Variants in ATXN7L1 observed in about 807,000 individuals in gnomAD.
The protein encoded by ATXN7L1 is ataxin-7-like protein 1.
A neutral mutation model predicts 70.8 loss-of-function variants in ATXN7L1; 15 were observed. The observed-to-expected ratio is 0.21, with a 90% confidence interval of 0.14 to 0.33. ATXN7L1 has a LOEUF of 0.33. ATXN7L1 is among the 10% of genes least tolerant of loss of function. The pLI is 1.00. For missense variants in ATXN7L1, 975 were observed against 1,097.1 expected (o/e 0.89, Z 1.57); for synonymous variants, 440 against 445.1 (o/e 0.99, Z 0.14).
chr7:105,863,741 A>G (rs2116660620), intron 2 of ATXN7L1, among the ~76,000 whole-genome samples: 1 of 152,312 alleles, frequency 6.6e-6, no homozygotes, highest in Non-Finnish European at 1.5e-5. Flanking sequence ...AATAGGGTTG[A>G]TAACAGGATT....
At chr7:105,873,982 G>A (rs893947721) in intron 2 of ATXN7L1, among the ~76,000 whole-genome samples, 1 of 152,022 alleles carries the variant, frequency 6.6e-6, no homozygotes, top group African/African-American at 2.4e-5. Context: ...AAAATTAACT[G>A]GGTGTGGTGG....
intron 2 of ATXN7L1, among the ~76,000 whole-genome samples, chr7:105,825,568 G>A (rs1810751558): frequency 6.6e-6 from 1 of 151,480 alleles, no homozygotes; most frequent in Admixed American, 6.6e-5. Flanking sequence ...AGAGGAAGTG[G>A]AATTGCCAAT....
intron 3 of ATXN7L1, among the ~76,000 whole-genome samples, chr7:105,786,351 G>C (rs986527390): frequency 6.6e-6 from 1 of 152,166 alleles, no homozygotes; most frequent in African/African-American, 2.4e-5. Flanking sequence ...AGGTGTATCA[G>C]CTCTGCTAAA....
chr7:105,608,620 A>G (rs1584269051), intron 11 of ATXN7L1, among the ~76,000 whole-genome samples: 2 of 152,246 alleles, frequency 1.3e-5, no homozygotes, highest in Admixed American at 1.3e-4. Context: ...GGCCCCATCA[A>G]CAGAGGCTGA....
chr7:105,652,228 G>C (rs1463149463), intron 4 of ATXN7L1, among the ~76,000 whole-genome samples: 1 of 152,170 alleles, frequency 6.6e-6, no homozygotes, highest in Non-Finnish European at 1.5e-5. Flanking sequence ...CTTGGGCAGG[G>C]AGTCCAGGAG....
chr7:105,842,733 C>A (rs1241010512), intron 2 of ATXN7L1, among the ~76,000 whole-genome samples: 2 of 152,154 alleles, frequency 1.3e-5, no homozygotes, highest in African/African-American at 4.8e-5. Context: ...TGGATCATAC[C>A]ATAACTGTAT....
chr7:105,694,664 T>C (rs1791477033), intron 3 of ATXN7L1, among the ~76,000 whole-genome samples: 1 of 152,196 alleles, frequency 6.6e-6, no homozygotes, highest in African/African-American at 2.4e-5. Flanking sequence ...AGGGGCAGAC[T>C]TTATTATTCC....
chr7:105,613,746 A>C, intron 10 of ATXN7L1, 116 bp downstream of exon 10: 1 of 1,525,538 alleles, frequency 6.6e-7, no homozygotes, highest in Non-Finnish European at 8.8e-7. Flanking sequence ...TTCGGGGAAA[A>C]CGAGAACAGG....
chr7:105,714,279 T>C (rs1301658001), intron 3 of ATXN7L1, among the ~76,000 whole-genome samples: 1 of 152,250 alleles, frequency 6.6e-6, no homozygotes, highest in Non-Finnish European at 1.5e-5. Context: ...TTATTCCAGA[T>C]GGAGCCCACA....
intron 2 of ATXN7L1, among the ~76,000 whole-genome samples, chr7:105,792,183 G>A (rs191196830): frequency 6.6e-5 from 10 of 152,316 alleles, no homozygotes; most frequent in Admixed American, 4.6e-4. Context: ...CCACCTGGAG[G>A]TGTGTTCCCC....
chr7:105,723,349 T>C (rs1461331634), intron 3 of ATXN7L1, among the ~76,000 whole-genome samples: 1 of 152,196 alleles, frequency 6.6e-6, no homozygotes, highest in African/African-American at 2.4e-5. Flanking sequence ...TGAATACATA[T>C]CAAGCGCTCA....
At chr7:105,857,133 C>T (rs556863998) in intron 2 of ATXN7L1, among the ~76,000 whole-genome samples, 1 of 152,282 alleles carries the variant, frequency 6.6e-6, no homozygotes, top group African/African-American at 2.4e-5. Context: ...TGTCCAAATC[C>T]TAGCTGCTGT....
At chr7:105,740,871 TCTC>T in intron 3 of ATXN7L1, among the ~76,000 whole-genome samples, 1 of 150,358 alleles carries the variant, frequency 6.7e-6, no homozygotes, top group South Asian at 2.1e-4. Flanking sequence ...TTCAAGCCAT[TCTC>T]CTGCCTCAGC....
chr7:105,785,665 C>T (rs1450197025), intron 3 of ATXN7L1, among the ~76,000 whole-genome samples: 2 of 152,174 alleles, frequency 1.3e-5, no homozygotes, highest in Admixed American at 6.5e-5. Context: ...GAAATCCTAC[C>T]CGCAATGTGA....
At chr7:105,646,416 G>A (rs1799033373) in intron 4 of ATXN7L1, among the ~76,000 whole-genome samples, 1 of 151,994 alleles carries the variant, frequency 6.6e-6, no homozygotes, top group Non-Finnish European at 1.5e-5. Context: ...GAGGCCAGGT[G>A]TTTTTTTGTT....
rs554421231 is a variant in ATXN7L1 at position 105,617,935 on chromosome 7, G to A, written c.1517+2265C>T. 157 of 456,572 alleles carry A rather than the reference G, an allele frequency of 3.4e-4. 1 individual carries two copies. The highest frequency in any genetic ancestry group is 2.3e-3 in the South Asian group (148 of 64,558). The allele number at this position is 456,572 out of a possible 1,614,324, so 28.3% of individuals were successfully genotyped here. ...CCATCCCTCCAGGTTCGGGCCCGCC[G>A]GGGCCTGGGGTTTGGGCAGCGAGGT... On this transcript the variant is annotated intron_variant, in intron 9 of 11. Transcript: ENST00000419735.
chr7:105,751,844 G>T (rs560827003), intron 3 of ATXN7L1, among the ~76,000 whole-genome samples: 27 of 152,302 alleles, frequency 1.8e-4, no homozygotes, highest in African/African-American at 6.3e-4. Context: ...ACAGGGAGCC[G>T]TCAGCTCTGC....
intron 2 of ATXN7L1, among the ~76,000 whole-genome samples, chr7:105,852,124 T>C (rs1001246025): frequency 7.9e-5 from 12 of 152,186 alleles, no homozygotes; most frequent in Non-Finnish European, 1.2e-4. Context: ...ATGTCGTCCA[T>C]ACCCTGTTCC....
At position 105,760,080 on chromosome 7, in the gene ATXN7L1, A is replaced by T. The variant is rs974068141; in HGVS notation, c.355+28524T>A. The T allele has an allele frequency of 5.5e-6, 3 of 547,626 alleles. No homozygotes were observed. In the African/African-American group the frequency reaches 6.2e-5, roughly 11 times the overall value. The allele number at this position is 547,626 out of a possible 1,614,324, so 33.9% of individuals were successfully genotyped here. On this transcript the variant is annotated intron_variant, in intron 3 of 11. Coordinates refer to ENST00000419735, the MANE Select transcript of ATXN7L1 (RefSeq NM_020725.2). ...AACAAGCCTCCTCCTACTTCTGGGA[A>T]GTCTCTCCTTTTTCTGGCTTCCATC...
Sources: gnomAD v4.1 joint callset for allele counts (sites outside exome capture counted in the v4.1 genomes callset) on GRCh38, gnomAD v4.1.1 for gene constraint, MANE v1.5 for transcripts, NCBI Gene and HGNC (gene_info 2026-07-23, HGNC 2026-07-21) for gene names.